Variants in MAPK7 observed in about 807,000 individuals in gnomAD.
MAPK7 encodes mitogen-activated protein kinase 7.
In MAPK7, 30 loss-of-function variants were observed where a neutral mutation model predicts 56.9. The ratio of observed to expected loss-of-function variants is 0.53; its 90% CI spans 0.39 to 0.72. The LOEUF (loss-of-function observed/expected upper bound fraction) is 0.72. Among genes scored for constraint, MAPK7 ranks in the 30% least tolerant of loss-of-function variants. MAPK7 has a pLI of 0.00. For synonymous variants in MAPK7, 516 were observed against 449.3 expected (o/e 1.15, Z -1.88); for missense variants, 952 against 1,110.8 (o/e 0.86, Z 2.03).
chr17:19,382,181 C>G lies in MAPK7; in HGVS notation c.1878C>G (p.Gly626=). ...CACAATCTGCGGGCTCTACCTCTGG[C>G]CCTGTACCCCAGCCTGCCTGCCCAC... The part of the protein sequence containing the change: ...PQPQSAGSTS[G]PVPQPACPPP... Residue 626 remains glycine, a synonymous_variant, in exon 5 of 7, where the codon GGC becomes GGG. Coordinates refer to ENST00000395604, the MANE Select transcript of MAPK7 (RefSeq NM_002749.4). 2 of 1,612,484 alleles carry G rather than the reference C, an allele frequency of 1.2e-6. No homozygotes were observed. The highest frequency in any genetic ancestry group is 1.7e-6 in the Non-Finnish European group (2 of 1,179,768).
At chr17:19,378,273 C>T (rs886872725), upstream of MAPK7, 10 of 985,910 alleles carry the variant, frequency 1.0e-5, no homozygotes, top group Non-Finnish European at 1.2e-5. This position sits in a 1 kb window ranked among gnomAD's most constrained non-coding sequence, Gnocchi z 5.4. Flanking sequence ...CGTTTGAAGG[C>T]GGTGCAGGGC....
In MAPK7 at chr17:19,381,560, C is replaced by G. The variant is rs1434635741; in HGVS notation, c.1351C>G (p.Leu451Val). 3.7e-6 allele frequency: 6 copies of G among 1,613,780 alleles called. No homozygotes were observed. Among genetic ancestry groups the G allele is most frequent in the Non-Finnish European group, 5.1e-6 (6 of 1,180,016 alleles). The change falls in exon 4 of 7, where the codon CTG becomes GTG. Residue 451 changes from leucine to valine, a missense_variant. By Grantham distance (32) the Leu-to-Val change is conservative (BLOSUM62 1). Coordinates refer to ENST00000395604, the MANE Select transcript of MAPK7 (RefSeq NM_002749.4). This position sits in a 1 kb window ranked among gnomAD's most constrained non-coding sequence, Gnocchi z 4.6. ...CPGPAPDTID[L>V]TLQPPPPVSE... ...CGGCCCTGCACCTGACACCATTGAT[C>G]TGACCCTGCAGCCACCTCCACCAGT...
chr17:19,380,014 A>C, intron 3 of MAPK7, 67 bp downstream of exon 3: 1 of 1,529,742 alleles, frequency 6.5e-7, no homozygotes, highest in Non-Finnish European at 8.9e-7. Flanking sequence ...CATGTTGCCG[A>C]AGTTCTGGAA....
At chr17:19,383,056 C>T (rs780033170) in intron 6 of MAPK7, 22 bp from the exon 7 acceptor site, 13 of 1,613,590 alleles carry the variant, frequency 8.1e-6, no homozygotes, top group Admixed American at 1.7e-5. Context: ...TAATAGCACC[C>T]CTCCCTTTCC....
chr17:19,378,985 G>A lies in MAPK7; in HGVS notation c.85G>A (p.Ala29Thr), dbSNP rs1312858755. The change falls in exon 2 of 7, where the codon GCT becomes ACT. Residue 29 changes from alanine to threonine, a missense_variant. Physicochemically the swap from Ala to Thr is moderately conservative, Grantham distance 58. Transcript: ENST00000395604. This position sits in a 1 kb window ranked among gnomAD's most constrained non-coding sequence, Gnocchi z 5.4. ...CGTGAAGGCCGAACCCGCCCACACC[G>A]CTGCCTCTGTAGCGGCCAAGAACCT... Reference protein sequence around the residue: ...GPVKAEPAHTAASVAAKNLAL... With the variant: ...GPVKAEPAHTTASVAAKNLAL... The A allele has an allele frequency of 1.2e-6, 2 of 1,610,284 alleles. No individual in the cohort carries two copies. Among genetic ancestry groups the A allele is most frequent in the Non-Finnish European group, 1.7e-6 (2 of 1,178,528 alleles).
chr17:19,380,835 C>G lies in MAPK7; in HGVS notation c.626C>G (p.Thr209Ser). ...GDFGMARGLC[T>S]SPAEHQYFMT... The stretch of plus-strand genomic sequence containing the variant: ...TTTGGTATGGCTCGTGGCCTGTGCA[C>G]CTCGCCCGCTGAACATCAGTACTTC... The change falls in exon 4 of 7, where the codon ACC (threonine) becomes AGC (serine). Residue 209 changes from threonine (T) to serine (S), a missense_variant. By Grantham distance (58) the Thr-to-Ser change is moderately conservative. This residue lies in a region of MAPK7 where 429 missense variants were observed against 533.0 expected (regional missense o/e 0.80). Transcript: ENST00000395604. The G allele has an allele frequency of 6.2e-7, 1 of 1,613,634 alleles. No individual in the cohort carries two copies. The highest frequency in any genetic ancestry group is 8.5e-7 in the Non-Finnish European group (1 of 1,179,740).
upstream of MAPK7, chr17:19,378,430 G>A (rs1912286509): frequency 2.0e-6 from 2 of 1,012,050 alleles, no homozygotes; most frequent in Non-Finnish European, 2.4e-6. The surrounding 1 kb of genome is among the most constrained non-coding windows in gnomAD (Gnocchi z 5.4). Flanking sequence ...CTCCGCAGCA[G>A]TAGCTCAGCG....
chr17:19,381,806 T>C lies in MAPK7; in HGVS notation c.1503T>C (p.Ala501=), dbSNP rs771970725. The C allele has an allele frequency of 2.6e-6, 4 of 1,559,306 alleles. No homozygotes were observed. Among genetic ancestry groups the C allele is most frequent in the Non-Finnish European group, 3.5e-6 (4 of 1,155,196 alleles). Residue 501 remains alanine, a synonymous_variant, in exon 5 of 7, where the codon GCT becomes GCC. Transcript: ENST00000395604. The surrounding 1 kb of genome is among the most constrained non-coding windows in gnomAD (Gnocchi z 4.6). ...LRDGPSAPLE[A]PEPRKPVTAQ... is the part of the protein sequence containing the mutation. ...ATGGCCCCAGCGCACCCCTGGAGGCTCCTGAGCCTCGGAAGCCGGTGACAG... is the reference window on the plus strand; with the variant it reads ...ATGGCCCCAGCGCACCCCTGGAGGCCCCTGAGCCTCGGAAGCCGGTGACAG...
chr17:19,379,263 C>T, intron 2 of MAPK7, 131 bp downstream of exon 2: 3 of 803,282 alleles, frequency 3.7e-6, no homozygotes, highest in Admixed American at 2.8e-5. Flanking sequence ...CTGACCAGGG[C>T]CTTCTGCCTG....
intron 5 of MAPK7, 80 bp downstream of exon 5, chr17:19,382,546 C>T (rs894266851): frequency 6.6e-7 from 1 of 1,511,256 alleles, no homozygotes; most frequent in Non-Finnish European, 8.8e-7. Context: ...CAGTGTTCCA[C>T]AAAAACTGAG....
intron 3 of MAPK7, 41 bp downstream of exon 3, chr17:19,379,988 T>C: frequency 1.3e-6 from 2 of 1,589,166 alleles, no homozygotes; most frequent in African/African-American, 1.3e-5. Flanking sequence ...CTTGGGACTT[T>C]TCTGAAGGCT....
chr17:19,380,983 G>A lies in MAPK7; in HGVS notation c.774G>A (p.Arg258=). ...VGCIFGEMLA[R]RQLFPGKNYV... is the part of the protein sequence containing the mutation. The stretch of plus-strand genomic sequence containing the variant: ...GCATCTTTGGTGAGATGCTGGCCCG[G>A]CGCCAGCTCTTCCCAGGCAAAAACT... The change falls in exon 4 of 7, where the codon CGG becomes CGA. Residue 258 remains arginine, a synonymous_variant. Transcript: ENST00000395604. 6.2e-7 allele frequency: 1 copy of A among 1,614,200 alleles called. No homozygotes were observed. Among genetic ancestry groups the A allele is most frequent in the Admixed American group, 1.7e-5 (1 of 60,032 alleles).
intron 5 of MAPK7, 57 bp downstream of exon 5, chr17:19,382,523 T>C: frequency 6.6e-7 from 1 of 1,521,278 alleles, no homozygotes; most frequent in African/African-American, 1.4e-5. Context: ...GGAAAATGGG[T>C]TCAGGAAGCG....
chr17:19,379,696 T>C, intron 2 of MAPK7, 86 bp from the exon 3 acceptor site: 1 of 1,269,018 alleles, frequency 7.9e-7, no homozygotes, highest in Non-Finnish European at 1.1e-6. Context: ...ATTTGCATCC[T>C]AGAAGGGAGG....
chr17:19,378,424 G>T, upstream of MAPK7: 12 of 1,009,618 alleles, frequency 1.2e-5, no homozygotes, highest in Non-Finnish European at 1.4e-5. The surrounding 1 kb of genome is among the most constrained non-coding windows in gnomAD (Gnocchi z 5.4). Context: ...AGGACCCTCC[G>T]CAGCAGTAGC....
In MAPK7 at chr17:19,379,817, T is replaced by A. The variant is rs1301901552; in HGVS notation, c.268T>A (p.Phe90Ile). 6.2e-7 allele frequency: 1 copy of A among 1,614,190 alleles called. No individual in the cohort carries two copies. Among genetic ancestry groups the A allele is most frequent in the East Asian group, 2.2e-5 (1 of 44,888 alleles). ...QVAIKKIPNA[F>I]DVVTNAKRTL... ...GGCCATCAAGAAGATCCCTAATGCT[T>A]TCGATGTGGTGACCAATGCCAAGCG... Residue 90 changes from phenylalanine to isoleucine, a missense_variant, in exon 3 of 7, where the codon TTC becomes ATC. Around this residue, in one of 5 missense-constraint regions of MAPK7, gnomAD observed 213 missense variants for 243.2 expected, o/e 0.88. Transcript: ENST00000395604.
chr17:19,383,364 A>C lies in MAPK7; in HGVS notation c.*133A>C, dbSNP rs1598120586. On this transcript the variant is annotated 3_prime_UTR_variant, in exon 7 of 7. Coordinates refer to ENST00000395604, the MANE Select transcript of MAPK7 (RefSeq NM_002749.4). ...TATTCTGCAGGTTCATCTCAGACCC[A>C]CCTTTCAGCCTTAAGCAGCCACCTG... 3.0e-6 allele frequency: 3 copies of C among 1,016,912 alleles called. No individual in the cohort carries two copies. Among genetic ancestry groups the C allele is most frequent in the South Asian group, 1.8e-5 (1 of 55,756 alleles). 63.0% of individuals were successfully genotyped at this position (1,016,912 alleles called of 1,614,324 possible).
In MAPK7 at chr17:19,382,097, C is replaced by T. The variant is rs749615280; in HGVS notation, c.1794C>T (p.Thr598=). 16 of 1,610,886 alleles carry T rather than the reference C, an allele frequency of 9.9e-6. No homozygotes were observed. The highest frequency in any genetic ancestry group is 1.4e-5 in the Non-Finnish European group (16 of 1,179,158). ...CCCCAGCGCCAACGCCAACCCCAAC[C>T]CCAGTCCAACCTACCAGTCCTCCTC... ...APAPAPTPTP[T]PVQPTSPPPG... The change falls in exon 5 of 7, where the codon ACC becomes ACT. Residue 598 remains threonine (T), a synonymous_variant. Transcript: ENST00000395604.
At chr17:19,383,028 T>TGAGG in intron 6 of MAPK7, 50 bp from the exon 7 acceptor site, 1 of 1,612,154 alleles carries the variant, frequency 6.2e-7, no homozygotes, top group Non-Finnish European at 8.5e-7. Flanking sequence ...GTGGGATGGG[T>TGAGG]GAGGGTCCAG....
Sources: gnomAD v4.1 joint callset for allele counts on GRCh38, gnomAD v4.1.1 for gene constraint, gnomAD v4.1.1 regional missense constraint, Gnocchi (gnomAD v3.1) non-coding constraint, MANE v1.5 for transcripts, NCBI Gene and HGNC (gene_info 2026-07-23, HGNC 2026-07-21) for gene names.